LLGL1: variants seen among roughly 807,000 people sequenced by gnomAD.
LLGL1 encodes LLGL scribble cell polarity complex component 1.
In LLGL1, 58 loss-of-function variants were observed where a neutral mutation model predicts 110.6. The ratio of observed to expected loss-of-function variants is 0.52; its 90% confidence interval spans 0.42 to 0.65. LLGL1 has a LOEUF of 0.65. LLGL1 is among the 30% of genes least tolerant of loss of function. The pLI, the probability that LLGL1 is intolerant of heterozygous loss-of-function variation, is 0.00. For synonymous variants in LLGL1, 674 were observed against 607.2 expected (o/e 1.11, Z -1.62); for missense variants, 1,229 against 1,462.1 (o/e 0.84, Z 2.60).
intron 1 of LLGL1, among the ~76,000 whole-genome samples, chr17:18,226,743 G>C (rs2047452796): frequency 6.6e-6 from 1 of 152,220 alleles, no homozygotes; most frequent in African/African-American, 2.4e-5. Flanking sequence ...AGGGGCCAGG[G>C]AAAGGGGCCG....
chr17:18,237,520 G>T lies in LLGL1; in HGVS notation c.1651G>T (p.Ala551Ser). 6.3e-7 allele frequency: 1 copy of T among 1,599,614 alleles called. No homozygotes were observed. Among genetic ancestry groups the T allele is most frequent in the Non-Finnish European group, 8.5e-7 (1 of 1,170,986 alleles). The change falls in exon 14 of 23, where the codon GCG (alanine) becomes TCG (serine). Residue 551 changes from alanine to serine, a missense_variant. Physicochemically the swap from Ala to Ser is moderately conservative, Grantham distance 99. Transcript: ENST00000316843. Reference protein sequence around the residue: ...LELSDVPVEQAVSVAIIDLLQ... With the variant: ...LELSDVPVEQSVSVAIIDLLQ... The stretch of plus-strand genomic sequence containing the variant: ...GCTTAGTGATGTGCCGGTGGAGCAG[G>T]CGGTCAGCGTGGCCATCATAGACCT...
intron 15 of LLGL1, 23 bp from the exon 16 acceptor site, chr17:18,238,433 G>A: frequency 1.3e-6 from 2 of 1,597,700 alleles, no homozygotes; most frequent in Non-Finnish European, 8.5e-7. Context: ...GGGAGACAGT[G>A]TTCAGGAGCC....
chr17:18,226,342 C>G lies in LLGL1; in HGVS notation c.81+579C>G, dbSNP rs375421684. Among the ~76,000 whole-genome samples, 44 of 152,248 alleles carry G rather than the reference C, an allele frequency of 2.9e-4. No individual in the cohort carries two copies. The East Asian group carries it at 7.9e-3, about 27-fold the overall frequency. On this transcript the variant is annotated intron_variant, in intron 1 of 22. Transcript: ENST00000316843. Reference sequence around the variant, plus strand: ...TTTTTCTTAGGGGCTCCATTGCGTCCCTGCTCGGCCCTTGGGACAGCCCTG... The same window carrying G: ...TTTTTCTTAGGGGCTCCATTGCGTCGCTGCTCGGCCCTTGGGACAGCCCTG...
Position 18,232,506 on chromosome 17 carries a change from C to T in LLGL1, c.191C>T (p.Pro64Leu), listed in dbSNP as rs747380008. 1.2e-6 allele frequency: 2 copies of T among 1,613,754 alleles called. No homozygotes were observed. Among genetic ancestry groups the T allele is most frequent in the South Asian group, 1.1e-5 (1 of 91,044 alleles). Reference sequence around the variant, plus strand: ...CCTGCCACCCTCAGCTATGGTGCACCTGGCGTGGAGTTCACAGGCCTGCAC... The same window carrying T: ...CCTGCCACCCTCAGCTATGGTGCACTTGGCGTGGAGTTCACAGGCCTGCAC... The part of the protein sequence containing the change: ...RSGAVKIYGA[P>L]GVEFTGLHRD... Residue 64 changes from proline (P) to leucine (L), a missense_variant, in exon 3 of 23, where the codon CCT becomes CTT. Physicochemically the swap from Pro to Leu is moderately conservative, Grantham distance 98. Transcript: ENST00000316843.
At chr17:18,227,144 G>C (rs1475861270) in intron 1 of LLGL1, among the ~76,000 whole-genome samples, 1 of 152,174 alleles carries the variant, frequency 6.6e-6, no homozygotes, top group Non-Finnish European at 1.5e-5. Flanking sequence ...GCTGGACCTG[G>C]AGTAGTGGAG....
At position 18,229,999 on chromosome 17, in the gene LLGL1, G is replaced by A. The variant is rs368206803; in HGVS notation, c.140G>A (p.Arg47His). ...PSALAFDPELRIMAIGTRSGA... is the reference protein window; with the variant it reads ...PSALAFDPELHIMAIGTRSGA... ...GCCCTGGCCTTCGACCCGGAACTTC[G>A]CATCATGGCCATCGGCACCAGGTCT... The change falls in exon 2 of 23, where the codon CGC becomes CAC. Residue 47 changes from arginine (R) to histidine (H), a missense_variant. Transcript: ENST00000316843. 9.3e-6 allele frequency: 15 copies of A among 1,612,018 alleles called. No homozygotes were observed. The highest frequency in any genetic ancestry group is 4.5e-5 in the East Asian group (2 of 44,878).
In LLGL1 at chr17:18,234,355, T is replaced by C. The variant is rs773075939; in HGVS notation, c.797T>C (p.Val266Ala). 5 of 1,612,186 alleles carry C rather than the reference T, an allele frequency of 3.1e-6. 1 individual carries two copies. Among genetic ancestry groups the C allele is most frequent in the Non-Finnish European group, 3.4e-6 (4 of 1,179,732 alleles). ...HSDGSYAVWS[V>A]DAGSFPTLQP... is the part of the protein sequence containing the mutation. ...GATGGCAGCTATGCTGTCTGGTCTG[T>C]GGATGCCGGCAGCTTCCCAACGCTG... The change falls in exon 7 of 23, where the codon GTG becomes GCG. Residue 266 changes from valine to alanine, a missense_variant. Transcript: ENST00000316843.
At position 18,242,523 on chromosome 17, in the gene LLGL1, C is replaced by T; in HGVS notation, c.3011C>T (p.Pro1004Leu). Residue 1004 changes from proline (P) to leucine (L), a missense_variant, in exon 21 of 23, where the codon CCC becomes CTC. Coordinates refer to ENST00000316843, the MANE Select transcript of LLGL1 (RefSeq NM_004140.4). ...HSMGPDTPEP[P>L]EAALSPMSID... The stretch of plus-strand genomic sequence containing the variant: ...CTCCCTGTAGACACCCCGGAGCCAC[C>T]CGAGGCTGCACTCTCACCCATGTCC... The T allele has an allele frequency of 6.2e-7, 1 of 1,613,978 alleles. No individual in the cohort carries two copies. Among genetic ancestry groups the T allele is most frequent in the Non-Finnish European group, 8.5e-7 (1 of 1,179,902 alleles).
At position 18,234,258 on chromosome 17, in the gene LLGL1, C is replaced by T. The variant is rs973986160; in HGVS notation, c.715-15C>T. 3 of 1,596,432 alleles carry T rather than the reference C, an allele frequency of 1.9e-6. No individual in the cohort carries two copies. Among genetic ancestry groups the T allele is most frequent in the Non-Finnish European group, 2.6e-6 (3 of 1,171,912 alleles). Reference sequence around the variant, plus strand: ...GCTCATGCCTGCCTGCCTGCCTGCCCCTGCCTGCCCGCAGCAGCTGGAGAG... The same window carrying T: ...GCTCATGCCTGCCTGCCTGCCTGCCTCTGCCTGCCCGCAGCAGCTGGAGAG... On this transcript the variant is annotated splice_polypyrimidine_tract_variant and intron_variant, in intron 6 of 22. Transcript: ENST00000316843.
intron 16 of LLGL1, among the ~76,000 whole-genome samples, chr17:18,238,865 G>T (rs1199592412): frequency 6.6e-6 from 1 of 152,204 alleles, no homozygotes; most frequent in African/African-American, 2.4e-5. Context: ...ACAAAAATTA[G>T]CCAGGTGTGG....
chr17:18,234,826 C>A lies in LLGL1; in HGVS notation c.906-13C>A. ...AAGTGGTTCATGGCTCGCACACCTC[C>A]CTCTGCACATAGGGGCCACTTTATC... On this transcript the variant is annotated splice_polypyrimidine_tract_variant and intron_variant, in intron 8 of 22. Transcript: ENST00000316843. The A allele has an allele frequency of 6.2e-7, 1 of 1,613,458 alleles. No individual in the cohort carries two copies.
chr17:18,240,621 C>G lies in LLGL1; in HGVS notation c.2250C>G (p.Gly750=). Residue 750 remains glycine (G), a synonymous_variant, in exon 17 of 23, where the codon GGC becomes GGG. Transcript: ENST00000316843. This position sits in a 1 kb window ranked among gnomAD's most constrained non-coding sequence, Gnocchi z 5.3. ...CCATGTGGGCTGGCACCAACTCAGGCTCTGTGTTCGCCTATGCACTGGAGG... is the reference window on the plus strand; with the variant it reads ...CCATGTGGGCTGGCACCAACTCAGGGTCTGTGTTCGCCTATGCACTGGAGG... ...GPTMWAGTNS[G]SVFAYALEVP... 1 of 1,609,352 alleles carries G rather than the reference C, an allele frequency of 6.2e-7. No homozygotes were observed. Among genetic ancestry groups the G allele is most frequent in the Non-Finnish European group, 8.5e-7 (1 of 1,177,098 alleles).
intron 20 of LLGL1, 77 bp downstream of exon 20, chr17:18,242,355 A>C (rs2047858977): frequency 2.6e-6 from 4 of 1,548,334 alleles, no homozygotes; most frequent in South Asian, 1.1e-5. Context: ...CACATAGCTC[A>C]GGGATCGGGC....
In LLGL1 at chr17:18,236,750, C is replaced by G; in HGVS notation, c.1496C>G (p.Pro499Arg). The G allele has an allele frequency of 6.2e-7, 1 of 1,612,754 alleles. No homozygotes were observed. Among genetic ancestry groups the G allele is most frequent in the Non-Finnish European group, 8.5e-7 (1 of 1,179,974 alleles). ...LAQAAEDDWP[P>R]FRKVGCFDPY... is the part of the protein sequence containing the mutation. ...CAGGCTGCCGAGGACGACTGGCCAC[C>G]CTTCCGCAAGGTGGGCCCCTCCCCT... The change falls in exon 12 of 23, where the codon CCC becomes CGC. Residue 499 changes from proline (P) to arginine (R), a missense_variant. Transcript: ENST00000316843.
chr17:18,236,323 A>G, intron 11 of LLGL1: 1 of 434,398 alleles, frequency 2.3e-6, no homozygotes, highest in South Asian at 2.9e-5. Flanking sequence ...TCTGTTCTCT[A>G]CATGTCCCCC....
intron 18 of LLGL1, 83 bp from the exon 19 acceptor site, chr17:18,241,802 C>A: frequency 1.2e-6 from 2 of 1,606,056 alleles, no homozygotes; most frequent in South Asian, 2.2e-5. Flanking sequence ...AAGGGCACTC[C>A]AGGTGGGCAC....
intron 1 of LLGL1, among the ~76,000 whole-genome samples, chr17:18,227,821 G>A (rs1005383256): frequency 3.3e-5 from 5 of 152,204 alleles, no homozygotes; most frequent in Non-Finnish European, 5.9e-5. Flanking sequence ...AGGATGAAGC[G>A]TGGGCAGCAG....
At chr17:18,234,772 C>CT (rs1171695747) in intron 8 of LLGL1, 67 bp from the exon 9 acceptor site, 12 of 1,613,512 alleles carry the variant, frequency 7.4e-6, no homozygotes, top group Non-Finnish European at 1.0e-5. Context: ...TGGGCTCTCC[C>CT]TAGGTTGTGC....
intron 1 of LLGL1, among the ~76,000 whole-genome samples, chr17:18,226,508 C>T (rs896221392): frequency 7.9e-5 from 12 of 152,246 alleles, no homozygotes; most frequent in Non-Finnish European, 1.5e-4. Context: ...CTGCCTTGCC[C>T]TGCTCTGCCC....
Sources: allele counts gnomAD v4.1 joint callset (sites outside exome capture counted in the v4.1 genomes callset), GRCh38; gene constraint gnomAD v4.1.1; non-coding constraint Gnocchi (gnomAD v3.1); transcripts MANE v1.5; gene names NCBI Gene and HGNC (gene_info 2026-07-23, HGNC 2026-07-21).